Variants in CTNNA2 observed in about 807,000 individuals in gnomAD.
CTNNA2 encodes the protein catenin alpha-2.
CTNNA2 carries 42 observed loss-of-function variants against 101.0 expected under a neutral mutation model. The ratio of observed to expected loss-of-function variants is 0.42; its 90% confidence interval spans 0.32 to 0.54. The LOEUF is 0.54. Among genes scored for constraint, CTNNA2 ranks in the 20% least tolerant of loss-of-function variants. CTNNA2 has a pLI of 0.14. For missense variants in CTNNA2, 871 were observed against 1,223.1 expected (o/e 0.71, Z 4.29); for synonymous variants, 450 against 456.4 (o/e 0.99, Z 0.18).
intron 6 of CTNNA2, among the ~76,000 whole-genome samples, chr2:79,901,981 T>G (rs1685099128): frequency 6.6e-6 from 1 of 152,350 alleles, no homozygotes; most frequent in Admixed American, 6.5e-5. Flanking sequence ...ATTTACCTTC[T>G]TGGTAGAAGA....
At chr2:80,071,785 A>G (rs1035323632) in intron 7 of CTNNA2, among the ~76,000 whole-genome samples, 1 of 152,118 alleles carries the variant, frequency 6.6e-6, no homozygotes, top group Non-Finnish European at 1.5e-5. Context: ...CAGGGGTTGG[A>G]GAATGGTTGT....
In CTNNA2 at chr2:79,651,543, T is replaced by A. The variant is rs749910352; in HGVS notation, c.-5-9T>A. On this transcript the variant is annotated splice_polypyrimidine_tract_variant and intron_variant, in intron 1 of 18. Transcript: ENST00000402739. ...GATTATTTCTAACTGATTACATGTG[T>A]TCCCATAGGGAGCATGACTTCGGCA... The A allele has an allele frequency of 4.3e-6, 7 of 1,609,806 alleles. No homozygotes were observed. Among genetic ancestry groups the A allele is most frequent in the Middle Eastern group, 1.6e-4 (1 of 6,070 alleles).
chr2:79,723,414 T>C (rs1686611944), intron 2 of CTNNA2, among the ~76,000 whole-genome samples: 1 of 152,214 alleles, frequency 6.6e-6, no homozygotes, highest in Non-Finnish European at 1.5e-5. Context: ...ACATGCTTGA[T>C]ACATGTTAGG....
At chr2:80,333,605 C>A in intron 7 of CTNNA2, among the ~76,000 whole-genome samples, 1 of 152,146 alleles carries the variant, frequency 6.6e-6, no homozygotes, top group East Asian at 1.9e-4. Flanking sequence ...ACCAGAAAGC[C>A]AGCCACCACC....
chr2:79,491,611 G>A (rs1292048985), intron 4 of CTNNA2, among the ~76,000 whole-genome samples: 2 of 152,148 alleles, frequency 1.3e-5, no homozygotes, highest in Admixed American at 6.5e-5. Context: ...TCTGAACTGT[G>A]TCTCCAGAAG....
chr2:79,527,126 A>G (rs1338569096), intron 1 of CTNNA2, among the ~76,000 whole-genome samples: 1 of 152,182 alleles, frequency 6.6e-6, no homozygotes, highest in Non-Finnish European at 1.5e-5. Context: ...CTATTCTTCC[A>G]AATTTATAAA....
At chr2:79,268,396 C>G (rs1675014910) in intron 2 of CTNNA2, among the ~76,000 whole-genome samples, 1 of 152,100 alleles carries the variant, frequency 6.6e-6, no homozygotes, top group South Asian at 2.1e-4. Flanking sequence ...CTCTGTGCCT[C>G]TACCTGCATA....
At chr2:79,598,431 A>G (rs768606376) in intron 1 of CTNNA2, among the ~76,000 whole-genome samples, 1 of 152,208 alleles carries the variant, frequency 6.6e-6, no homozygotes, top group Non-Finnish European at 1.5e-5. Flanking sequence ...TCCACCAGCA[A>G]TGAATGAGAG....
chr2:80,024,628 G>T (rs907582946), intron 7 of CTNNA2, among the ~76,000 whole-genome samples: 3 of 152,206 alleles, frequency 2.0e-5, no homozygotes, highest in African/African-American at 7.2e-5. Flanking sequence ...TGGTCACTCC[G>T]CTCTGGTGGG....
Position 79,627,599 on chromosome 2 carries a change from G to A in CTNNA2, c.-5-23953G>A, listed in dbSNP as rs79698524. Reference sequence around the variant, plus strand: ...TTTATAAACATATGGTCTATCTCCCGTGTAATATCATGGTACATCTCTATT... The same window carrying A: ...TTTATAAACATATGGTCTATCTCCCATGTAATATCATGGTACATCTCTATT... On this transcript the variant is annotated intron_variant, in intron 1 of 18. Coordinates refer to ENST00000402739, the MANE Select transcript of CTNNA2 (RefSeq NM_001282597.3). 9.3e-4 allele frequency among the ~76,000 whole-genome samples: 141 copies of A among 152,242 alleles called. 1 individual carries two copies. Among genetic ancestry groups the A allele is most frequent in the Middle Eastern group, 6.8e-3 (2 of 294 alleles).
intron 7 of CTNNA2, among the ~76,000 whole-genome samples, chr2:80,273,295 C>T (rs1403200260): frequency 1.3e-5 from 2 of 152,130 alleles, no homozygotes; most frequent in South Asian, 4.1e-4. Flanking sequence ...TCCAATCCAA[C>T]AATAAGTGTT....
At chr2:80,406,362 G>A (rs1166466053) in intron 8 of CTNNA2, among the ~76,000 whole-genome samples, 1 of 151,148 alleles carries the variant, frequency 6.6e-6, no homozygotes, top group Non-Finnish European at 1.5e-5. Context: ...GCACCTTTGA[G>A]CAAGGCTGGG....
intron 7 of CTNNA2, chr2:80,301,811 G>A (rs148280291): frequency 3.9e-5 from 6 of 153,132 alleles, no homozygotes; most frequent in Middle Eastern, 3.4e-3. Context: ...ACCCACCAAG[G>A]AAATTTTAAC....
chr2:79,562,759 A>G (rs960743593), intron 1 of CTNNA2, among the ~76,000 whole-genome samples: 1 of 152,044 alleles, frequency 6.6e-6, no homozygotes, highest in Admixed American at 6.6e-5. Context: ...CAAATGTGAA[A>G]CTTGCTCTGT....
chr2:79,286,286 A>G (rs890349765), intron 2 of CTNNA2, among the ~76,000 whole-genome samples: 1 of 152,058 alleles, frequency 6.6e-6, no homozygotes, highest in African/African-American at 2.4e-5. Context: ...TGTGAATTTG[A>G]TCTGTCATTA....
At chr2:80,086,825 A>G (rs535987486) in intron 7 of CTNNA2, among the ~76,000 whole-genome samples, 1 of 152,054 alleles carries the variant, frequency 6.6e-6, no homozygotes, top group South Asian at 2.1e-4. Flanking sequence ...GATAGGAAGC[A>G]TTATGAAGAC....
At chr2:80,514,172 T>C (rs1217668222) in intron 9 of CTNNA2, among the ~76,000 whole-genome samples, 2 of 152,122 alleles carry the variant, frequency 1.3e-5, no homozygotes, top group Middle Eastern at 3.2e-3. Flanking sequence ...GGACTTGCGA[T>C]GGGGGTGCTC....
intron 2 of CTNNA2, among the ~76,000 whole-genome samples, chr2:79,276,290 C>A (rs2104317242): frequency 6.6e-6 from 1 of 152,142 alleles, no homozygotes; most frequent in African/African-American, 2.4e-5. Context: ...TATTCTATCC[C>A]CTTAGTCTGT....
At chr2:80,191,286 A>G (rs1706484046) in intron 7 of CTNNA2, among the ~76,000 whole-genome samples, 1 of 152,204 alleles carries the variant, frequency 6.6e-6, no homozygotes, top group African/African-American at 2.4e-5. Flanking sequence ...TTTTACTCAC[A>G]CTTCCTATCA....
Sources: gnomAD v4.1 joint callset for allele counts (sites outside exome capture counted in the v4.1 genomes callset) on GRCh38, gnomAD v4.1.1 for gene constraint, MANE v1.5 for transcripts, NCBI Gene and HGNC (gene_info 2026-07-23, HGNC 2026-07-21) for gene names.